The following MEGF11 variants were observed in gnomAD, a reference collection of about 807,000 sequenced individuals.
The protein encoded by MEGF11 is multiple EGF like domains 11, also known as multiple epidermal growth factor-like domains protein 11.
A neutral mutation model predicts 146.6 loss-of-function variants in MEGF11; 126 were observed. The observed-to-expected ratio is 0.86, with a 90% CI of 0.74 to 1.00. MEGF11 has a LOEUF of 1.00. Among genes scored for constraint, MEGF11 ranks in the 50% least tolerant of loss-of-function variants. The probability of loss-of-function intolerance (pLI) is 0.00; values close to 1 mark genes in which losing one functional copy is unlikely to be tolerated. For missense variants in MEGF11, 1,509 were observed against 1,521.2 expected, an observed-to-expected ratio of 0.99 and a Z score of 0.13; for synonymous variants, 532 against 583.4, an observed-to-expected ratio of 0.91 and a Z score of 1.27.
chr15:65,976,695 A>G (rs1054066285), intron 7 of MEGF11, among the ~76,000 whole-genome samples: 2 of 152,220 alleles, frequency 1.3e-5, no homozygotes, highest in African/African-American at 4.8e-5. Flanking sequence ...AGATTCATGT[A>G]CTTGCCCTGT....
chr15:66,138,115 G>A (rs2088976167), intron 1 of MEGF11, among the ~76,000 whole-genome samples: 1 of 152,040 alleles, frequency 6.6e-6, no homozygotes. Context: ...AACAAAAAAG[G>A]GAGGGCCCTA....
chr15:65,909,009 G>C lies in MEGF11; in HGVS notation c.2998+25C>G, dbSNP rs960468155. 2.1e-5 allele frequency: 30 copies of C among 1,463,402 alleles called. No homozygotes were observed. In the Admixed American group the frequency reaches 5.7e-4, roughly 28 times the overall value. 90.7% of individuals were successfully genotyped at this position (1,463,402 alleles called of 1,614,324 possible). A position where few individuals can be genotyped will look rare whatever the true frequency, so the allele number is the denominator to read the frequency against. ...GCTGGGTCTGGTCTGGCATGAGGGG[G>C]TGGAGGGTAGGGCTGGGGTCTGACC... On this transcript the variant is annotated intron_variant, in intron 23 of 25. Transcript: ENST00000395614.
intron 9 of MEGF11, among the ~76,000 whole-genome samples, chr15:65,958,900 C>T (rs1290137142): frequency 6.6e-6 from 1 of 152,154 alleles, no homozygotes; most frequent in African/African-American, 2.4e-5. Flanking sequence ...CACTGGCCTG[C>T]CTGCTCTGGA....
chr15:66,137,742 G>T (rs923198558), intron 1 of MEGF11, among the ~76,000 whole-genome samples: 3 of 151,608 alleles, frequency 2.0e-5, no homozygotes, highest in African/African-American at 7.3e-5. Context: ...TAGAGACGAG[G>T]TCTCACTGTT....
chr15:66,191,267 G>A (rs921324732), intron 1 of MEGF11, among the ~76,000 whole-genome samples: 2 of 152,166 alleles, frequency 1.3e-5, no homozygotes, highest in African/African-American at 2.4e-5. Flanking sequence ...GCCGCTCTCC[G>A]GGCTGGCCAT....
chr15:66,020,864 C>T (rs1049155940), intron 5 of MEGF11, among the ~76,000 whole-genome samples: 4 of 151,936 alleles, frequency 2.6e-5, no homozygotes, highest in African/African-American at 9.7e-5. Flanking sequence ...AGGTGGTAGG[C>T]GCCTGTAGTC....
rs113522596 is a variant in MEGF11, at chr15:66,005,156, G to A, written c.395-22668C>T. ...TAATTTCCAGGATATCCTGGTGATCGAAATGACAGGAGGGGATTCTGGCAT... is the reference window on the plus strand; with the variant it reads ...TAATTTCCAGGATATCCTGGTGATCAAAATGACAGGAGGGGATTCTGGCAT... On this transcript the variant is annotated intron_variant, in intron 5 of 25. Coordinates refer to ENST00000395614, the MANE Select transcript of MEGF11 (RefSeq NM_001385028.1). Among the ~76,000 whole-genome samples the A allele has an allele frequency of 4.2e-3, 647 of 152,286 alleles. 5 individuals carry two copies. The highest frequency in any genetic ancestry group is 0.015 in the African/African-American group (609 of 41,566).
intron 5 of MEGF11, among the ~76,000 whole-genome samples, chr15:66,064,067 A>G (rs537480347): frequency 6.6e-6 from 1 of 152,330 alleles, no homozygotes; most frequent in African/African-American, 2.4e-5. Context: ...ATGAAACGCC[A>G]TAGCAACAAA....
chr15:66,050,612 A>G (rs962316398), intron 5 of MEGF11, among the ~76,000 whole-genome samples: 1 of 152,242 alleles, frequency 6.6e-6, no homozygotes, highest in Non-Finnish European at 1.5e-5. Context: ...GATGGGAGCC[A>G]TCGGAGGCCT....
intron 9 of MEGF11, among the ~76,000 whole-genome samples, chr15:65,960,469 C>A (rs975358155): frequency 6.6e-6 from 1 of 152,226 alleles, no homozygotes; most frequent in African/African-American, 2.4e-5. Flanking sequence ...GTGGCCCTGA[C>A]GCTCTGCTAG....
At chr15:65,958,384 C>T (rs558646064) in intron 9 of MEGF11, among the ~76,000 whole-genome samples, 1 of 152,242 alleles carries the variant, frequency 6.6e-6, no homozygotes, top group South Asian at 2.1e-4. Flanking sequence ...GCATGACCTC[C>T]AGAGAGTAGG....
chr15:66,108,880 G>A (rs558925250), intron 4 of MEGF11, among the ~76,000 whole-genome samples: 19 of 152,356 alleles, frequency 1.2e-4, no homozygotes, highest in African/African-American at 4.6e-4. Context: ...CACTTCATGG[G>A]CTTCAGCTGG....
intron 4 of MEGF11, among the ~76,000 whole-genome samples, chr15:66,114,952 C>T (rs887586515): frequency 6.6e-6 from 1 of 152,190 alleles, no homozygotes; most frequent in Admixed American, 6.5e-5. Context: ...TCTCTTCCTC[C>T]TTCCACACAC....
intron 5 of MEGF11, among the ~76,000 whole-genome samples, chr15:66,022,661 C>T (rs1434348126): frequency 6.6e-6 from 1 of 150,424 alleles, no homozygotes; most frequent in African/African-American, 2.5e-5. Flanking sequence ...CCTATCTCCA[C>T]AAAAAATTTT....
At chr15:66,102,360 C>T (rs957845213) in intron 4 of MEGF11, among the ~76,000 whole-genome samples, 6 of 24,734 alleles carry the variant, frequency 2.4e-4, no homozygotes, top group Non-Finnish European at 5.2e-4. Flanking sequence ...GTTCCTGCAC[C>T]TCATTTCCAT....
In MEGF11 at chr15:65,913,580, TTC is replaced by T. The variant is rs372630756; in HGVS notation, c.2710+155_2710+156del. 2.6e-4 allele frequency: 177 copies of T among 668,332 alleles called. No individual in the cohort carries two copies. In the African/African-American group the frequency reaches 3.0e-3, roughly 11 times the overall value. The allele number at this position is 668,332 out of a possible 1,614,324, so 41.4% of individuals were successfully genotyped here. A position where few individuals can be genotyped will look rare whatever the true frequency, so the allele number is the denominator to read the frequency against. ...ATTTTCCCTTGGAACCCCAGATATCTTCTCTAGGTAGGCTCCTGCTCCCCATC... is the reference window on the plus strand; with the variant it reads ...ATTTTCCCTTGGAACCCCAGATATCTTCTAGGTAGGCTCCTGCTCCCCATC... On this transcript the variant is annotated intron_variant, in intron 20 of 25. Transcript: ENST00000395614.
At chr15:65,924,379 G>C (rs915199130) in intron 13 of MEGF11, among the ~76,000 whole-genome samples, 3 of 136,922 alleles carry the variant, frequency 2.2e-5, no homozygotes, top group East Asian at 2.6e-4. Flanking sequence ...TGGGTGGGGG[G>C]GGGGGCAAGT....
At chr15:66,105,513 A>G (rs2140807197) in intron 4 of MEGF11, among the ~76,000 whole-genome samples, 1 of 152,330 alleles carries the variant, frequency 6.6e-6, no homozygotes, top group East Asian at 1.9e-4. Context: ...TACCTGACAC[A>G]CTTTTAAAGG....
At chr15:65,902,093 G>A (rs1168353406) in intron 24 of MEGF11, 1 of 152,248 alleles carries the variant, frequency 6.6e-6, no homozygotes, top group African/African-American at 2.4e-5. Context: ...GCTAAGCCCA[G>A]CTGAGAGAAA....
Sources: allele counts gnomAD v4.1 joint callset (sites outside exome capture counted in the v4.1 genomes callset), GRCh38; gene constraint gnomAD v4.1.1; transcripts MANE v1.5; gene names NCBI Gene and HGNC (gene_info 2026-07-23, HGNC 2026-07-21).